The following LRP1B variants were observed in gnomAD, a reference collection of about 807,000 sequenced individuals.
LRP1B encodes the protein LDL receptor related protein 1B.
Under a neutral mutation model 556.6 loss-of-function variants are expected in LRP1B, and 217 were observed. The observed-to-expected ratio is 0.39, with a 90% CI of 0.35 to 0.44. The LOEUF (loss-of-function observed/expected upper bound fraction) is 0.44. LRP1B is among the 20% of genes least tolerant of loss of function. LRP1B has a pLI of 1.00. For synonymous variants in LRP1B, 2,047 were observed against 1,865.8 expected (o/e 1.10, Z -2.50); for missense variants, 5,053 against 5,620.8 (o/e 0.90, Z 3.23).
chr2:142,013,394 C>A (rs1056368839), intron 1 of LRP1B, among the ~76,000 whole-genome samples: 1 of 152,104 alleles, frequency 6.6e-6, no homozygotes, highest in African/African-American at 2.4e-5. Flanking sequence ...TTGGCACTTT[C>A]TTTACTGCTG....
At chr2:140,843,921 C>T (rs545863091) in intron 29 of LRP1B, among the ~76,000 whole-genome samples, 28 of 152,134 alleles carry the variant, frequency 1.8e-4, no homozygotes, top group South Asian at 2.1e-4. Context: ...TTGCCTTCAA[C>T]GTAAATATTT....
At position 140,989,621 on chromosome 2, in the gene LRP1B, T is replaced by C; in HGVS notation, c.2681A>G (p.Gln894Arg). 6.2e-7 allele frequency: 1 copy of C among 1,613,200 alleles called. No homozygotes were observed. The change falls in exon 17 of 91, where the codon CAG (glutamine) becomes CGG (arginine). Residue 894 changes from glutamine (Q) to arginine (R), a missense_variant. By Grantham distance (43) the Gln-to-Arg change is conservative. This residue lies in a region of LRP1B where 3,619 missense variants were observed against 3,931.9 expected (regional missense o/e 0.92). Coordinates refer to ENST00000389484, the MANE Select transcript of LRP1B (RefSeq NM_018557.3). ...TCTCTTGGGGATGCAGCGATTATTC[T>C]GGCATTTAAACTGATCATCAGGACA... ...HSCPDDQFKC[Q>R]NNRCIPKRWL...
chr2:141,772,274 A>G (rs757235657), intron 2 of LRP1B, among the ~76,000 whole-genome samples: 1 of 152,182 alleles, frequency 6.6e-6, no homozygotes, highest in Non-Finnish European at 1.5e-5. Context: ...AACCTATGGT[A>G]TCCTGTTATA....
chr2:140,611,057 G>A (rs1277460243), intron 41 of LRP1B, among the ~76,000 whole-genome samples: 1 of 152,178 alleles, frequency 6.6e-6, no homozygotes, highest in African/African-American at 2.4e-5. Flanking sequence ...TCTACACAAA[G>A]CTACAGCCAA....
intron 43 of LRP1B, among the ~76,000 whole-genome samples, chr2:140,571,898 G>T (rs182886408): frequency 1.6e-4 from 24 of 151,772 alleles, no homozygotes; most frequent in Middle Eastern, 3.4e-3. Flanking sequence ...ATTGATTGGG[G>T]ATAGTCCCCT....
chr2:140,413,757 G>A, intron 66 of LRP1B, among the ~76,000 whole-genome samples: 1 of 152,202 alleles, frequency 6.6e-6, no homozygotes, highest in East Asian at 1.9e-4. Context: ...GGAGATGTTG[G>A]CACATAATTA....
intron 47 of LRP1B, among the ~76,000 whole-genome samples, chr2:140,530,044 C>T (rs1035355606): frequency 2.6e-5 from 4 of 152,042 alleles, no homozygotes; most frequent in African/African-American, 4.8e-5. Flanking sequence ...TGTAAACAGA[C>T]TCTCTACTCT....
At chr2:141,599,510 T>G (rs1051832618) in intron 2 of LRP1B, among the ~76,000 whole-genome samples, 21 of 152,126 alleles carry the variant, frequency 1.4e-4, no homozygotes, top group African/African-American at 5.1e-4. Flanking sequence ...AACTATCATA[T>G]AAAACTTTAG....
chr2:140,607,054 T>C (rs1042589054), intron 41 of LRP1B, among the ~76,000 whole-genome samples: 2 of 152,124 alleles, frequency 1.3e-5, no homozygotes, highest in African/African-American at 4.8e-5. Flanking sequence ...AATGGACTTG[T>C]ATCTTGAATA....
At chr2:142,049,568 G>A (rs770394631) in intron 1 of LRP1B, among the ~76,000 whole-genome samples, 1 of 152,080 alleles carries the variant, frequency 6.6e-6, no homozygotes, top group Non-Finnish European at 1.5e-5. Context: ...GTTTGGCTAT[G>A]TCTGTGGTAG....
At chr2:140,314,416 T>C (rs1469652245) in intron 83 of LRP1B, among the ~76,000 whole-genome samples, 6 of 152,010 alleles carry the variant, frequency 3.9e-5, no homozygotes, top group African/African-American at 1.4e-4. Flanking sequence ...CTCAAATATA[T>C]CCTAAGATGT....
rs564387800 is a variant in LRP1B at position 141,716,975 on chromosome 2, G to A, written c.205+93304C>T. 3.5e-3 allele frequency among the ~76,000 whole-genome samples: 533 copies of A among 152,184 alleles called. 2 individuals carry two copies. Among genetic ancestry groups the A allele is most frequent in the African/African-American group, 0.012 (491 of 41,530 alleles). ...CTCCCCCAGCATGATCCACAGGGGG[G>A]GGTCGCAATTCAGAGTTGCTCCTGT... On this transcript the variant is annotated intron_variant, in intron 2 of 90. Transcript: ENST00000389484.
chr2:141,879,927 G>GT lies in LRP1B; in HGVS notation c.83-69527dup, dbSNP rs1187057785. Reference sequence around the variant, plus strand: ...GCACACTTTGTATGCATTTTCCTATGTGTTAACCTGGACATATACATATGA... The same window carrying GT: ...GCACACTTTGTATGCATTTTCCTATGTTGTTAACCTGGACATATACATATGA... On this transcript the variant is annotated intron_variant, in intron 1 of 90. Coordinates refer to ENST00000389484, the MANE Select transcript of LRP1B (RefSeq NM_018557.3). Among the ~76,000 whole-genome samples, 4 of 151,968 alleles carry GT rather than the reference G, an allele frequency of 2.6e-5. 1 individual carries two copies. Among genetic ancestry groups the GT allele is most frequent in the Non-Finnish European group, 2.9e-5 (2 of 67,908 alleles).
chr2:141,089,941 G>A (rs1403646316), intron 7 of LRP1B, among the ~76,000 whole-genome samples: 1 of 152,204 alleles, frequency 6.6e-6, no homozygotes, highest in African/African-American at 2.4e-5. Context: ...GAATATGATA[G>A]TGAAAAGGGT....
chr2:140,788,854 G>A (rs1224336959), intron 32 of LRP1B, among the ~76,000 whole-genome samples: 1 of 152,128 alleles, frequency 6.6e-6, no homozygotes, highest in Non-Finnish European at 1.5e-5. Context: ...GAGGTCATAT[G>A]GGTGGATCCT....
intron 66 of LRP1B, among the ~76,000 whole-genome samples, chr2:140,393,696 G>A (rs1165598396): frequency 1.3e-5 from 2 of 151,944 alleles, no homozygotes; most frequent in African/African-American, 4.8e-5. Context: ...GAAATAATGA[G>A]GTGAAAAGAA....
intron 67 of LRP1B, among the ~76,000 whole-genome samples, chr2:140,379,779 G>A (rs371703808): frequency 2.4e-4 from 37 of 152,184 alleles, no homozygotes; most frequent in African/African-American, 7.0e-4. Flanking sequence ...CAAGCATTTC[G>A]TTCTACTCTG....
Position 141,049,234 on chromosome 2 carries a change from A to G in LRP1B, c.1553-12T>C. The G allele has an allele frequency of 6.4e-7, 1 of 1,551,200 alleles. No individual in the cohort carries two copies. The highest frequency in any genetic ancestry group is 8.9e-7 in the Non-Finnish European group (1 of 1,123,150). On this transcript the variant is annotated splice_polypyrimidine_tract_variant and intron_variant, in intron 10 of 90. Transcript: ENST00000389484. ...CTCATTCTTTGGTCCTGCAGAGGAA[A>G]GATTACAAACACAAACAACTGATGC... is the stretch of plus-strand genomic sequence containing the variant.
chr2:141,032,826 C>CATACATACATACATACATATATAT, intron 11 of LRP1B, among the ~76,000 whole-genome samples: 1 of 126,660 alleles, frequency 7.9e-6, no homozygotes, highest in Non-Finnish European at 1.7e-5. Context: ...TATATACATA[C>CATACATACATACATACATATATAT]ATATATATAT....
Sources: gnomAD v4.1 joint callset for allele counts (sites outside exome capture counted in the v4.1 genomes callset) on GRCh38, gnomAD v4.1.1 for gene constraint, gnomAD v4.1.1 regional missense constraint, MANE v1.5 for transcripts, NCBI Gene and HGNC (gene_info 2026-07-23, HGNC 2026-07-21) for gene names.